XKR9: variants seen among roughly 807,000 people sequenced by gnomAD.
XKR9 encodes the protein XK-related protein 9.
Under a neutral mutation model 32.0 loss-of-function variants are expected in XKR9, and 32 were observed. That is an observed-to-expected ratio of 1.00 (90% CI 0.76 to 1.34). The LOEUF (loss-of-function observed/expected upper bound fraction) is 1.34. Among genes scored for constraint, XKR9 ranks in the 40% most tolerant of loss-of-function variants. The probability of loss-of-function intolerance (pLI) is 0.00; values close to 1 mark genes in which losing one functional copy is unlikely to be tolerated. For missense variants in XKR9, 546 were observed against 429.7 expected (o/e 1.27, Z -2.39); for synonymous variants, 168 against 143.4 (o/e 1.17, Z -1.22).
At chr8:70,672,606 C>CTGTG (rs533943749) in intron 1 of XKR9, among the ~76,000 whole-genome samples, 48 of 150,322 alleles carry the variant, frequency 3.2e-4, no homozygotes, top group South Asian at 1.1e-3. Context: ...TATGGTAGTT[C>CTGTG]TGTGTGTGTG....
chr8:71,014,870 A>C, the XKR9 span, among the ~76,000 whole-genome samples: 3 of 152,110 alleles, frequency 2.0e-5, no homozygotes, highest in Non-Finnish European at 2.9e-5. Context: ...CCATTTCTTT[A>C]CATTTAAAAA....
At chr8:70,999,169 C>T in the XKR9 span, among the ~76,000 whole-genome samples, 1 of 151,988 alleles carries the variant, frequency 6.6e-6, no homozygotes, top group Non-Finnish European at 1.5e-5. Context: ...TCTGATAAAA[C>T]AGATTACATT....
At chr8:70,850,450 C>A in the XKR9 span, among the ~76,000 whole-genome samples, 399 of 103,698 alleles carry the variant, frequency 3.8e-3, 1 homozygote, top group African/African-American at 0.014. Flanking sequence ...GGTGACACAG[C>A]AAGACTCCTT....
At chr8:70,740,777 A>G (rs1157894857), downstream of XKR9, among the ~76,000 whole-genome samples, 1 of 152,234 alleles carries the variant, frequency 6.6e-6, no homozygotes, top group African/African-American at 2.4e-5. Flanking sequence ...GCTGCAGAAC[A>G]GTGGATTTTC....
At chr8:70,751,515 T>C (rs1807140825) in intron 2 of XKR9, among the ~76,000 whole-genome samples, 1 of 152,168 alleles carries the variant, frequency 6.6e-6, no homozygotes, top group Non-Finnish European at 1.5e-5. Context: ...GTTGTGAGGC[T>C]ACTTCTTGAA....
At chr8:70,884,341 T>C in the XKR9 span, among the ~76,000 whole-genome samples, 1 of 152,158 alleles carries the variant, frequency 6.6e-6, no homozygotes, top group African/African-American at 2.4e-5. Flanking sequence ...ACTCTTTGAA[T>C]TGTGTCTTTT....
At chr8:70,977,865 A>C in the XKR9 span, among the ~76,000 whole-genome samples, 86 of 152,210 alleles carry the variant, frequency 5.7e-4, no homozygotes, top group Middle Eastern at 3.4e-3. Flanking sequence ...ATTGTGTGGG[A>C]GTCTAATTCT....
chr8:70,848,979 A>G, the XKR9 span, among the ~76,000 whole-genome samples: 3 of 152,170 alleles, frequency 2.0e-5, no homozygotes, highest in Non-Finnish European at 4.4e-5. Flanking sequence ...AAAGAGACTT[A>G]GACTCCCACA....
At chr8:70,939,491 A>G in the XKR9 span, among the ~76,000 whole-genome samples, 1 of 152,062 alleles carries the variant, frequency 6.6e-6, no homozygotes, top group African/African-American at 2.4e-5. Flanking sequence ...ACCTGAATCA[A>G]CGATTTGGAT....
chr8:70,802,343 T>C, the XKR9 span, among the ~76,000 whole-genome samples: 1 of 152,350 alleles, frequency 6.6e-6, no homozygotes, highest in Non-Finnish European at 1.5e-5. Context: ...GATTTTTCTC[T>C]TTCCCTTTAT....
At chr8:70,944,052 T>A in the XKR9 span, among the ~76,000 whole-genome samples, 1 of 152,188 alleles carries the variant, frequency 6.6e-6, no homozygotes, top group Non-Finnish European at 1.5e-5. Context: ...ACTGAAATGT[T>A]TCTATGAGTC....
At chr8:70,908,840 A>C in the XKR9 span, among the ~76,000 whole-genome samples, 8 of 152,242 alleles carry the variant, frequency 5.3e-5, no homozygotes, top group Non-Finnish European at 1.0e-4. Context: ...AGTCATATTT[A>C]GTCCATGGGC....
At chr8:70,850,830 T>G in the XKR9 span, among the ~76,000 whole-genome samples, 1 of 152,202 alleles carries the variant, frequency 6.6e-6, no homozygotes, top group East Asian at 1.9e-4. Flanking sequence ...AATATCATAC[T>G]GAATGGGCAA....
At chr8:71,023,876 G>C in the XKR9 span, among the ~76,000 whole-genome samples, 3 of 152,200 alleles carry the variant, frequency 2.0e-5, no homozygotes, top group Admixed American at 2.0e-4. Context: ...AGATGCCAGT[G>C]CTGGTGGACA....
the XKR9 span, among the ~76,000 whole-genome samples, chr8:70,850,887 CT>C: frequency 6.6e-6 from 1 of 152,260 alleles, no homozygotes; most frequent in Non-Finnish European, 1.5e-5. Flanking sequence ...CAAGGATGCC[CT>C]CTCTGACCAC....
the XKR9 span, among the ~76,000 whole-genome samples, chr8:71,056,598 T>C: frequency 6.6e-6 from 1 of 152,184 alleles, no homozygotes; most frequent in Admixed American, 6.5e-5. Context: ...TTGCCCAGTT[T>C]TCTCACCCTA....
At chr8:70,744,721 T>C (rs1235051822) in intron 2 of XKR9, among the ~76,000 whole-genome samples, 4 of 152,214 alleles carry the variant, frequency 2.6e-5, no homozygotes, top group Non-Finnish European at 5.9e-5. Context: ...TTCTTGTGCC[T>C]CAGCCACTCA....
the XKR9 span, among the ~76,000 whole-genome samples, chr8:70,810,353 C>G: frequency 6.6e-6 from 1 of 152,134 alleles, no homozygotes; most frequent in Non-Finnish European, 1.5e-5. Flanking sequence ...AATGTAAAGA[C>G]CATCGAGGCT....
At position 70,782,471 on chromosome 8, in the gene XKR9, G is replaced by A. The variant is rs867075719; in HGVS notation, n.353-6868G>A. Among the ~76,000 whole-genome samples, 5 of 151,858 alleles carry A rather than the reference G, an allele frequency of 3.3e-5. No individual in the cohort carries two copies. In the South Asian group the frequency reaches 6.2e-4, roughly 19 times the overall value. ...ATTACTCTAAAACTGTATGCACTAC[G>A]CTGCATACAGTTGTAAAAAAAAATT... On this transcript the variant is annotated intron_variant and non_coding_transcript_variant, in intron 2 of 3. Coordinates refer to the XKR9 transcript ENST00000520273.
Sources: gnomAD v4.1 joint callset for allele counts (sites outside exome capture counted in the v4.1 genomes callset) on GRCh38, gnomAD v4.1.1 for gene constraint, MANE v1.5 for transcripts, NCBI Gene and HGNC (gene_info 2026-07-23, HGNC 2026-07-21) for gene names.